IL1RAPL2: variants seen among roughly 807,000 people sequenced by gnomAD.
The protein encoded by IL1RAPL2 is interleukin 1 receptor accessory protein like 2.
A neutral mutation model predicts 44.1 loss-of-function variants in IL1RAPL2; 3 were observed. The observed-to-expected ratio is 0.07, with a 90% CI of 0.03 to 0.18. The LOEUF (loss-of-function observed/expected upper bound fraction) is 0.18, where lower values mean the gene tolerates loss of function less well. IL1RAPL2 is among the 10% of genes least tolerant of loss of function. The pLI is 1.00. For missense variants in IL1RAPL2, 391 were observed against 496.4 expected (o/e 0.79, Z 2.02); for synonymous variants, 181 against 178.8 (o/e 1.01, Z -0.10).
chrX:104,897,044 T>C (rs893935582), intron 2 of IL1RAPL2, among the ~76,000 whole-genome samples: 1 of 111,923 alleles, frequency 8.9e-6, no homozygotes, highest in African/African-American at 3.3e-5. Context: ...CTTTAAGAAC[T>C]GTAACACTCA....
intron 1 of IL1RAPL2, among the ~76,000 whole-genome samples, chrX:104,628,710 T>G (rs1929569864): frequency 8.9e-6 from 1 of 112,022 alleles, no homozygotes; most frequent in Admixed American, 9.5e-5. Context: ...TTGAGAAATC[T>G]CCATACTGTT....
intron 6 of IL1RAPL2, among the ~76,000 whole-genome samples, chrX:105,517,969 T>G (rs2036527451): frequency 9.0e-6 from 1 of 111,299 alleles, no homozygotes; most frequent in South Asian, 3.8e-4. Flanking sequence ...GGATGCCTAA[T>G]GGTGATGAAT....
At position 105,598,129 on chromosome X, in the gene IL1RAPL2, AAAG is replaced by A. The variant is rs1016751499; in HGVS notation, c.772+113751_772+113753del. On this transcript the variant is annotated intron_variant, in intron 6 of 10. Coordinates refer to ENST00000372582, the MANE Select transcript of IL1RAPL2 (RefSeq NM_017416.2). ...AGATCATAATAGCATTTAACTTTAA[AAAG>A]AAGAAGAACAAAATCCTGCCATTTA... Among the ~76,000 whole-genome samples, 3 of 111,533 alleles carry A rather than the reference AAAG, an allele frequency of 2.7e-5. No homozygotes were observed. The East Asian group carries it at 8.4e-4, about 31-fold the overall frequency.
chrX:105,185,389 T>C (rs1556133281), intron 2 of IL1RAPL2, among the ~76,000 whole-genome samples: 1 of 112,160 alleles, frequency 8.9e-6, no homozygotes, highest in Non-Finnish European at 1.9e-5. Context: ...TAGTTCTCTG[T>C]TAACATTGAA....
At chrX:104,801,128 T>C (rs1480086269) in intron 2 of IL1RAPL2, among the ~76,000 whole-genome samples, 1 of 112,656 alleles carries the variant, frequency 8.9e-6, no homozygotes, top group Non-Finnish European at 1.9e-5. Context: ...GAAAAATGCA[T>C]TGTTGCTTTA....
At chrX:104,663,872 C>T (rs1052976980) in intron 2 of IL1RAPL2, among the ~76,000 whole-genome samples, 3 of 108,684 alleles carry the variant, frequency 2.8e-5, no homozygotes, top group Non-Finnish European at 5.7e-5. Flanking sequence ...AATAATTTTA[C>T]AGTTCTTATC....
intron 2 of IL1RAPL2, among the ~76,000 whole-genome samples, chrX:105,180,715 T>C (rs2033522842): frequency 8.9e-6 from 1 of 112,188 alleles, no homozygotes; most frequent in African/African-American, 3.2e-5. Context: ...TATTATCTTT[T>C]TGATGTGCTG....
intron 2 of IL1RAPL2, among the ~76,000 whole-genome samples, chrX:104,896,149 G>A (rs1365586099): frequency 9.0e-6 from 1 of 111,713 alleles, no homozygotes; most frequent in Non-Finnish European, 1.9e-5. Context: ...TCTGGAGTTG[G>A]GCAACATGGC....
At chrX:105,197,564 C>A (rs895247901) in intron 3 of IL1RAPL2, among the ~76,000 whole-genome samples, 3 of 111,517 alleles carry the variant, frequency 2.7e-5, no homozygotes, top group Admixed American at 9.6e-5. Flanking sequence ...AACCCCATTC[C>A]TTTACTCCTA....
chrX:104,682,425 T>G (rs1481317212), intron 2 of IL1RAPL2, among the ~76,000 whole-genome samples: 1 of 112,568 alleles, frequency 8.9e-6, no homozygotes, highest in Non-Finnish European at 1.9e-5. Flanking sequence ...AATAGTCTCA[T>G]TATATCATAC....
At chrX:105,363,421 G>A (rs1229194661) in intron 5 of IL1RAPL2, among the ~76,000 whole-genome samples, 6 of 102,558 alleles carry the variant, frequency 5.9e-5, no homozygotes, top group Admixed American at 2.2e-4. Flanking sequence ...TGCAGATATC[G>A]CTTTGACATA....
intron 7 of IL1RAPL2, among the ~76,000 whole-genome samples, chrX:105,735,923 C>T (rs1002198482): frequency 2.7e-5 from 3 of 111,427 alleles, no homozygotes; most frequent in African/African-American, 6.5e-5. Context: ...GCCCGAATAG[C>T]CAAGGCAATC....
At position 105,447,106 on chromosome X, in the gene IL1RAPL2, T is replaced by TATAA. The variant is rs1466812826; in HGVS notation, c.698-37206_698-37205insTAAA. Among the ~76,000 whole-genome samples, 77 of 33,211 alleles carry TATAA rather than the reference T, an allele frequency of 2.3e-3. 1 individual carries two copies. In the East Asian group the frequency reaches 0.034, roughly 15 times the overall value. 28.8% of individuals were successfully genotyped at this position (33,211 alleles called of 115,157 possible). A position where few individuals can be genotyped will look rare whatever the true frequency, so the allele number is the denominator to read the frequency against. ...ATATATATATATATATATATATATATAAAAATATATATAAATATAAATATA... is the reference window on the plus strand; with the variant it reads ...ATATATATATATATATATATATATATATAAAAAAATATATATAAATATAAATATA... On this transcript the variant is annotated intron_variant, in intron 5 of 10. Transcript: ENST00000372582.
intron 6 of IL1RAPL2, chrX:105,676,299 C>T (rs2037872514): frequency 8.9e-6 from 1 of 111,876 alleles, no homozygotes; most frequent in Non-Finnish European, 1.9e-5. Context: ...CAGACTAGAG[C>T]TCATTCACAG....
chrX:105,722,331 G>A (rs1381985596), intron 7 of IL1RAPL2, among the ~76,000 whole-genome samples: 2 of 111,550 alleles, frequency 1.8e-5, no homozygotes, highest in Non-Finnish European at 1.9e-5. Flanking sequence ...CATATGTCTT[G>A]TGTGATCCAT....
chrX:104,649,401 C>T (rs1930110444), intron 1 of IL1RAPL2, among the ~76,000 whole-genome samples: 2 of 111,518 alleles, frequency 1.8e-5, no homozygotes, highest in Non-Finnish European at 3.8e-5. Flanking sequence ...GTTTGAGAGC[C>T]ATATTTCCCT....
chrX:105,308,434 A>G (rs111569349), intron 5 of IL1RAPL2, among the ~76,000 whole-genome samples: 6,885 of 111,930 alleles, frequency 0.062, 511 homozygotes, highest in African/African-American at 0.21. Context: ...AAATATACCT[A>G]TGTAACCCAC....
intron 6 of IL1RAPL2, among the ~76,000 whole-genome samples, chrX:105,502,861 A>T (rs1185440158): frequency 1.9e-5 from 2 of 106,394 alleles, no homozygotes; most frequent in African/African-American, 3.7e-5. Flanking sequence ...TCAGTGCTTT[A>T]AAAAAAAATG....
chrX:105,184,349 A>C (rs1319231381), intron 2 of IL1RAPL2, among the ~76,000 whole-genome samples: 2 of 110,761 alleles, frequency 1.8e-5, no homozygotes, highest in African/African-American at 6.5e-5. Flanking sequence ...TTTAACTTAA[A>C]AAAAATTTCA....
Sources: gnomAD v4.1 joint callset for allele counts (sites outside exome capture counted in the v4.1 genomes callset) on GRCh38, gnomAD v4.1.1 for gene constraint, MANE v1.5 for transcripts, NCBI Gene and HGNC (gene_info 2026-07-23, HGNC 2026-07-21) for gene names.